TTC28: variants seen among roughly 807,000 people sequenced by gnomAD.
TTC28 encodes tetratricopeptide repeat domain 28.
A neutral mutation model predicts 198.0 loss-of-function variants in TTC28; 61 were observed. That is an observed-to-expected ratio of 0.31 (90% CI 0.25 to 0.38). The LOEUF is 0.38. TTC28 is among the 10% of genes least tolerant of loss of function. TTC28 has a pLI of 1.00. For missense variants in TTC28, 2,678 were observed against 3,164.0 expected (o/e 0.85, Z 3.69); for synonymous variants, 1,171 against 1,297.8 (o/e 0.90, Z 2.10).
At chr22:28,145,910 T>C (rs909003850) in intron 6 of TTC28, among the ~76,000 whole-genome samples, 2 of 152,208 alleles carry the variant, frequency 1.3e-5, no homozygotes, top group African/African-American at 2.4e-5. Context: ...ATGGGTGCTA[T>C]AATTGTCCCT....
intron 2 of TTC28, among the ~76,000 whole-genome samples, chr22:28,556,350 C>A (rs1047852566): frequency 1.3e-5 from 2 of 151,986 alleles, no homozygotes; most frequent in African/African-American, 4.8e-5. Flanking sequence ...CACAGCAAGA[C>A]CCTGTCTCAA....
chr22:28,678,572 C>T lies in TTC28; in HGVS notation c.102+1050G>A, dbSNP rs577876425. Among the ~76,000 whole-genome samples the T allele has an allele frequency of 4.6e-3, 700 of 152,252 alleles. 5 individuals carry two copies. The highest frequency in any genetic ancestry group is 0.016 in the African/African-American group (656 of 41,538). The stretch of plus-strand genomic sequence containing the variant: ...ACATGTACCCTGCTTTTGCCTAAAA[C>T]ATACTGAAAACATGGCATTGAACAC... On this transcript the variant is annotated intron_variant, in intron 1 of 22. Transcript: ENST00000397906.
chr22:28,227,172 A>C (rs1020920230), intron 5 of TTC28, among the ~76,000 whole-genome samples: 2 of 152,160 alleles, frequency 1.3e-5, no homozygotes, highest in African/African-American at 4.8e-5. Context: ...GCCTCAAGTG[A>C]TCCTCTGACC....
At chr22:28,029,883 G>A (rs758205110) in intron 13 of TTC28, among the ~76,000 whole-genome samples, 7 of 152,228 alleles carry the variant, frequency 4.6e-5, no homozygotes, top group Non-Finnish European at 8.8e-5. Flanking sequence ...GCAGAAGCTG[G>A]CAAAGAAGTA....
intron 2 of TTC28, among the ~76,000 whole-genome samples, chr22:28,582,389 A>G (rs1424117905): frequency 6.6e-6 from 1 of 152,204 alleles, no homozygotes; most frequent in Non-Finnish European, 1.5e-5. Flanking sequence ...TTGAAAATTC[A>G]TATTTCTTTC....
intron 2 of TTC28, among the ~76,000 whole-genome samples, chr22:28,433,318 G>C (rs970793711): frequency 1.3e-5 from 2 of 151,896 alleles, no homozygotes; most frequent in Admixed American, 1.3e-4. Context: ...CCAAACCCTA[G>C]ATTGCAAACT....
At chr22:28,494,387 T>C (rs1285824003) in intron 2 of TTC28, among the ~76,000 whole-genome samples, 1 of 152,204 alleles carries the variant, frequency 6.6e-6, no homozygotes. Context: ...TAAATGGTCA[T>C]AGTCTAGGCC....
chr22:28,020,701 C>T (rs1054580419), intron 13 of TTC28, among the ~76,000 whole-genome samples: 47 of 152,188 alleles, frequency 3.1e-4, no homozygotes, highest in Non-Finnish European at 5.9e-5. Flanking sequence ...TGCTCCCTGG[C>T]TTCCCATCCA....
chr22:28,367,520 T>A (rs1186581376), intron 2 of TTC28, among the ~76,000 whole-genome samples: 1 of 151,730 alleles, frequency 6.6e-6, no homozygotes, highest in Non-Finnish European at 1.5e-5. Context: ...TGATGCATCT[T>A]AATTAAAAAA....
At chr22:28,412,809 C>T (rs2047102892) in intron 2 of TTC28, among the ~76,000 whole-genome samples, 1 of 152,174 alleles carries the variant, frequency 6.6e-6, no homozygotes, top group Non-Finnish European at 1.5e-5. Context: ...GGCAGGTGGG[C>T]TGCAGAGACA....
chr22:28,098,865 C>A, intron 10 of TTC28, 50 bp downstream of exon 10: 1 of 1,536,464 alleles, frequency 6.5e-7, no homozygotes, highest in South Asian at 1.2e-5. Context: ...GACGCGCACC[C>A]GTGCGCACTA....
rs538209708 is a variant in TTC28, at chr22:28,211,042, A to C, written c.934-47443T>G. Among the ~76,000 whole-genome samples the C allele has an allele frequency of 3.3e-5, 5 of 152,310 alleles. No homozygotes were observed. The East Asian group carries it at 5.8e-4, about 18-fold the overall frequency. ...ATATCCAGCCAAACTAAGCTTCATA[A>C]TTGAAGGAGAAATAAAATCCTTTAC... On this transcript the variant is annotated intron_variant, in intron 5 of 22. Coordinates refer to ENST00000397906, the MANE Select transcript of TTC28 (RefSeq NM_001145418.2).
chr22:28,325,590 A>T (rs1347776687), intron 2 of TTC28, among the ~76,000 whole-genome samples: 1 of 152,130 alleles, frequency 6.6e-6, no homozygotes, highest in Non-Finnish European at 1.5e-5. Context: ...CAAAATACTA[A>T]CCCAAAAGAG....
intron 12 of TTC28, among the ~76,000 whole-genome samples, chr22:28,036,442 C>T (rs1053209389): frequency 3.3e-5 from 5 of 152,140 alleles, no homozygotes; most frequent in African/African-American, 1.2e-4. Flanking sequence ...AAAATGAAGG[C>T]AGAAATAAAG....
chr22:28,311,917 T>G (rs1190803983), intron 2 of TTC28, among the ~76,000 whole-genome samples: 4 of 151,608 alleles, frequency 2.6e-5, no homozygotes, highest in Non-Finnish European at 5.9e-5. Flanking sequence ...ACTGGCAAAT[T>G]GGATAAAGAG....
At chr22:28,122,088 G>C (rs541052279) in intron 6 of TTC28, among the ~76,000 whole-genome samples, 1 of 152,238 alleles carries the variant, frequency 6.6e-6, no homozygotes, top group South Asian at 2.1e-4. Context: ...GGCTGTTCTC[G>C]AACTCCTGAC....
chr22:28,406,816 C>T (rs1251886967), intron 2 of TTC28, among the ~76,000 whole-genome samples: 2 of 152,156 alleles, frequency 1.3e-5, no homozygotes, highest in African/African-American at 2.4e-5. Context: ...TGGAGTTCCT[C>T]TCTATGCTTT....
chr22:28,506,781 A>C (rs1443388244), intron 2 of TTC28, among the ~76,000 whole-genome samples: 1 of 152,356 alleles, frequency 6.6e-6, no homozygotes, highest in East Asian at 1.9e-4. Context: ...CCAGGCAACT[A>C]GGGTCTGGAG....
chr22:28,162,863 T>A (rs1921378576), intron 6 of TTC28, among the ~76,000 whole-genome samples: 1 of 152,140 alleles, frequency 6.6e-6, no homozygotes, highest in South Asian at 2.1e-4. Context: ...GGTGGGAAGA[T>A]CACTGCAGTG....
Sources: allele counts gnomAD v4.1 joint callset (sites outside exome capture counted in the v4.1 genomes callset), GRCh38; gene constraint gnomAD v4.1.1; transcripts MANE v1.5; gene names NCBI Gene and HGNC (gene_info 2026-07-23, HGNC 2026-07-21).